MARCHF2: variants seen among roughly 807,000 people sequenced by gnomAD.
The protein encoded by MARCHF2 is membrane associated ring-CH-type finger 2.
In MARCHF2, 22 loss-of-function variants were observed where a neutral mutation model predicts 24.0. The observed-to-expected ratio is 0.92, with a 90% CI of 0.66 to 1.31. The LOEUF is 1.31. Among genes scored for constraint, MARCHF2 ranks in the 50% most tolerant of loss-of-function variants. The pLI is 0.00. For synonymous variants in MARCHF2, 154 were observed against 153.0 expected, an observed-to-expected ratio of 1.01 and a Z score of -0.05; for missense variants, 301 against 335.3, an observed-to-expected ratio of 0.90 and a Z score of 0.80.
intron 2 of MARCHF2, chr19:8,423,797 C>G (rs116995587): frequency 0.015 from 2,217 of 152,090 alleles, 27 homozygotes; most frequent in Non-Finnish European, 0.025. Flanking sequence ...CCCAGAAGCT[C>G]AAGACCAGCC....
At chr19:8,414,804 C>T (rs1419324736) in intron 1 of MARCHF2, among the ~76,000 whole-genome samples, 1 of 152,126 alleles carries the variant, frequency 6.6e-6, no homozygotes, top group African/African-American at 2.4e-5. Context: ...CCTGGAGGCT[C>T]CTTCTCAGGA....
chr19:8,413,585 G>C (rs1035238378), intron 1 of MARCHF2, 165 bp downstream of exon 1: 21 of 152,188 alleles, frequency 1.4e-4, no homozygotes, highest in Admixed American at 2.0e-4. Context: ...GCCGGTGGGA[G>C]GTCTCCGGGG....
At chr19:8,414,921 C>T (rs1967038002) in intron 1 of MARCHF2, among the ~76,000 whole-genome samples, 1 of 152,138 alleles carries the variant, frequency 6.6e-6, no homozygotes, top group Non-Finnish European at 1.5e-5. Context: ...GCCAGGAGGG[C>T]CAGGAGTTAA....
chr19:8,438,822 C>T lies in MARCHF2; in HGVS notation c.*276C>T, dbSNP rs1967803305. 1 of 323,226 alleles carries T rather than the reference C, an allele frequency of 3.1e-6. No homozygotes were observed. The highest frequency in any genetic ancestry group is 4.5e-5 in the Admixed American group (1 of 22,284). 20.0% of individuals were successfully genotyped at this position (323,226 alleles called of 1,614,324 possible). On this transcript the variant is annotated 3_prime_UTR_variant, in exon 5 of 5. Coordinates refer to ENST00000215555, the MANE Select transcript of MARCHF2 (RefSeq NM_001005415.2). ...CACCCTGATCTCATTCTGAGGTCCA[C>T]ATGGCACCTTCTGGGCCAGCAGCTG...
chr19:8,426,580 T>C lies in MARCHF2; in HGVS notation c.177-29T>C, dbSNP rs185315507. On this transcript the variant is annotated intron_variant, in intron 2 of 4. Coordinates refer to ENST00000215555, the MANE Select transcript of MARCHF2 (RefSeq NM_001005415.2). ...CAGGTATAGACAGAAAGCCCAATCA[T>C]TGCTCATGGGTCCTATCTCTGTGTC... The C allele has an allele frequency of 1.5e-5, 24 of 1,599,190 alleles. No individual in the cohort carries two copies. In the Admixed American group the frequency reaches 3.4e-4, roughly 22 times the overall value.
chr19:8,438,350 G>A (rs371948204), intron 4 of MARCHF2, 38 bp from the exon 5 acceptor site: 4 of 1,606,334 alleles, frequency 2.5e-6, no homozygotes, highest in Admixed American at 1.7e-5. Flanking sequence ...CCTCCCTTGC[G>A]GGTGGAGGCC....
chr19:8,421,925 A>C lies in MARCHF2; in HGVS notation c.85A>C (p.Thr29Pro), dbSNP rs1161099134. The change falls in exon 2 of 5, where the codon ACG (threonine) becomes CCG (proline). Residue 29 changes from threonine (T) to proline (P), a missense_variant. By Grantham distance (38) the Thr-to-Pro change is conservative. Transcript: ENST00000215555. ...SPAFSKVVEATGLGPPQYVAQ... is the reference protein window; with the variant it reads ...SPAFSKVVEAPGLGPPQYVAQ... ...TGCCTTCTCCAAGGTCGTGGAGGCT[A>C]CGGGCCTCGGACCGCCCCAGTATGT... 7 of 1,613,708 alleles carry C rather than the reference A, an allele frequency of 4.3e-6. No homozygotes were observed. Among genetic ancestry groups the C allele is most frequent in the Admixed American group, 3.3e-5 (2 of 59,942 alleles).
At position 8,438,864 on chromosome 19, in the gene MARCHF2, G is replaced by A. The variant is rs1052791477; in HGVS notation, c.*318G>A. On this transcript the variant is annotated 3_prime_UTR_variant, in exon 5 of 5. Transcript: ENST00000215555. ...CAGCAGCTGTGGCCGGTGTATCAAG[G>A]GCGCCCTTAAAGCTGGAACATTCCA... 2 of 242,224 alleles carry A rather than the reference G, an allele frequency of 8.3e-6. No homozygotes were observed. The highest frequency in any genetic ancestry group is 2.2e-5 in the African/African-American group (1 of 44,972). 15.0% of individuals were successfully genotyped at this position (242,224 alleles called of 1,614,324 possible). A position where few individuals can be genotyped will look rare whatever the true frequency, so the allele number is the denominator to read the frequency against.
intron 1 of MARCHF2, among the ~76,000 whole-genome samples, chr19:8,419,406 AT>A (rs1382206722): frequency 2.6e-5 from 4 of 152,194 alleles, no homozygotes; most frequent in African/African-American, 9.6e-5. Flanking sequence ...AGGTAGGAGA[AT>A]CATTTGAGCC....
At chr19:8,424,663 T>C (rs1010279471) in intron 2 of MARCHF2, among the ~76,000 whole-genome samples, 2 of 150,292 alleles carry the variant, frequency 1.3e-5, no homozygotes, top group East Asian at 3.9e-4. Flanking sequence ...CAACACTGTC[T>C]CAAAAAAAAG....
At chr19:8,429,895 G>A (rs181913062) in intron 3 of MARCHF2, among the ~76,000 whole-genome samples, 28 of 149,768 alleles carry the variant, frequency 1.9e-4, no homozygotes, top group African/African-American at 5.7e-4. Flanking sequence ...AAGACGCTTC[G>A]GCCCTGGAGC....
chr19:8,430,232 G>A lies in MARCHF2; in HGVS notation c.373-426G>A, dbSNP rs1229073385. On this transcript the variant is annotated intron_variant, in intron 3 of 4. Transcript: ENST00000215555. This position sits in a 1 kb window ranked among gnomAD's most constrained non-coding sequence, Gnocchi z 4.4. ...TACAAAATTAGCAGGGCATGGTGGC[G>A]CTTGCCTATAATCCCAGCTACTCGG... Among the ~76,000 whole-genome samples, 4 of 152,048 alleles carry A rather than the reference G, an allele frequency of 2.6e-5. No individual in the cohort carries two copies. The highest frequency in any genetic ancestry group is 6.6e-5 in the Admixed American group (1 of 15,214).
intron 4 of MARCHF2, among the ~76,000 whole-genome samples, chr19:8,438,114 C>T (rs886593724): frequency 2.6e-5 from 4 of 152,092 alleles, no homozygotes; most frequent in South Asian, 2.1e-4. Flanking sequence ...CACTCCTTTC[C>T]CACTGAGAGG....
chr19:8,416,340 CAAAAAAAA>C (rs71175852), intron 1 of MARCHF2, among the ~76,000 whole-genome samples: 1 of 77,448 alleles, frequency 1.3e-5, no homozygotes, highest in African/African-American at 5.0e-5. Flanking sequence ...GACTCTGTCT[CAAAAAAAA>C]AAAAAAAAAA....
rs577247335 is a variant in MARCHF2, at chr19:8,436,206, C to G, written c.583-2182C>G. On this transcript the variant is annotated intron_variant, in intron 4 of 4. Transcript: ENST00000215555. ...CTGGAGTGCAGTGGTGCGATCTTGG[C>G]TCACTGCAACTTCCGCCTCCTGGGT... Among the ~76,000 whole-genome samples, 3 of 151,916 alleles carry G rather than the reference C, an allele frequency of 2.0e-5. No individual in the cohort carries two copies. The East Asian group carries it at 5.8e-4, about 29-fold the overall frequency.
intron 4 of MARCHF2, among the ~76,000 whole-genome samples, 160 bp from the exon 5 acceptor site, chr19:8,438,228 C>CTG (rs1276501857): frequency 1.3e-5 from 2 of 152,062 alleles, no homozygotes; most frequent in Non-Finnish European, 2.9e-5. Context: ...GTGAATGGGT[C>CTG]TGTGTGTGTG....
rs531734998 is a variant in MARCHF2, at chr19:8,422,419, G to C, written c.176+403G>C. ...ATCTCTCTTTTTTTTTTGAAACAGA[G>C]TCTCATTTTGTTGCCCAGGCTGGAG... On this transcript the variant is annotated intron_variant, in intron 2 of 4. Transcript: ENST00000215555. Among the ~76,000 whole-genome samples, 296 of 151,874 alleles carry C rather than the reference G, an allele frequency of 1.9e-3. 2 individuals carry two copies. The highest frequency in any genetic ancestry group is 6.6e-3 in the African/African-American group (275 of 41,434).
Position 8,430,845 on chromosome 19 carries a change from C to T in MARCHF2, c.560C>T (p.Thr187Ile). Reference protein sequence around the residue: ...GLIALTIALFTIYVLWTLVSF... With the variant: ...GLIALTIALFIIYVLWTLVSF... ...ATTGCCCTCACCATCGCCCTCTTCACCATCTATGTCCTCTGGACGCTGGTG... is the reference window on the plus strand; with the variant it reads ...ATTGCCCTCACCATCGCCCTCTTCATCATCTATGTCCTCTGGACGCTGGTG... The change falls in exon 4 of 5, where the codon ACC (threonine) becomes ATC (isoleucine). Residue 187 changes from threonine (T) to isoleucine (I), a missense_variant. By Grantham distance (89) the Thr-to-Ile change is moderately conservative (BLOSUM62 -1). Coordinates refer to ENST00000215555, the MANE Select transcript of MARCHF2 (RefSeq NM_001005415.2). This position sits in a 1 kb window ranked among gnomAD's most constrained non-coding sequence, Gnocchi z 4.4. The T allele has an allele frequency of 6.2e-7, 1 of 1,608,386 alleles. No individual in the cohort carries two copies. The highest frequency in any genetic ancestry group is 8.5e-7 in the Non-Finnish European group (1 of 1,179,122).
rs147755958 is a variant in MARCHF2, at chr19:8,433,075, C to T, written c.582+2208C>T. 3.4e-4 allele frequency among the ~76,000 whole-genome samples: 51 copies of T among 151,862 alleles called. No homozygotes were observed. In the Middle Eastern group the frequency reaches 0.01, roughly 31 times the overall value. Reference sequence around the variant, plus strand: ...CTCTAGAAAAAATACAAAAGTTTGTCGGCCGTGGTGGTGCGTGCCTGCAGT... The same window carrying T: ...CTCTAGAAAAAATACAAAAGTTTGTTGGCCGTGGTGGTGCGTGCCTGCAGT... On this transcript the variant is annotated intron_variant, in intron 4 of 4. Coordinates refer to ENST00000215555, the MANE Select transcript of MARCHF2 (RefSeq NM_001005415.2).
Sources: gnomAD v4.1 joint callset for allele counts (sites outside exome capture counted in the v4.1 genomes callset) on GRCh38, gnomAD v4.1.1 for gene constraint, Gnocchi (gnomAD v3.1) non-coding constraint, MANE v1.5 for transcripts, NCBI Gene and HGNC (gene_info 2026-07-23, HGNC 2026-07-21) for gene names.